GRM7: variants seen among roughly 807,000 people sequenced by gnomAD.
The protein encoded by GRM7 is glutamate metabotropic receptor 7.
GRM7 carries 35 observed loss-of-function variants against 84.5 expected under a neutral mutation model. The ratio of observed to expected loss-of-function variants is 0.41; its 90% confidence interval spans 0.32 to 0.55. The LOEUF (loss-of-function observed/expected upper bound fraction) is 0.55. Among genes scored for constraint, GRM7 ranks in the 20% least tolerant of loss-of-function variants. The probability of loss-of-function intolerance (pLI) is 0.19; values close to 1 mark genes in which losing one functional copy is unlikely to be tolerated. For missense variants in GRM7, 1,003 were observed against 1,194.6 expected (o/e 0.84, Z 2.36); for synonymous variants, 487 against 455.1 (o/e 1.07, Z -0.89).
Position 7,139,265 on chromosome 3 carries a change from C to T in GRM7, c.520-7187C>T, listed in dbSNP as rs548966477. ...TTTCTTTTTACGGTACTGAACACCT[C>T]AAAGATGCTGGAAATAGTTGGTTCT... On this transcript the variant is annotated intron_variant, in intron 1 of 9. Coordinates refer to ENST00000357716, the MANE Select transcript of GRM7 (RefSeq NM_000844.4). 3.3e-5 allele frequency among the ~76,000 whole-genome samples: 5 copies of T among 151,570 alleles called. No individual in the cohort carries two copies. In the South Asian group the frequency reaches 1.0e-3, roughly 32 times the overall value.
chr3:7,622,022 C>G (rs1400308901), intron 8 of GRM7, among the ~76,000 whole-genome samples: 3 of 152,176 alleles, frequency 2.0e-5, no homozygotes, highest in Admixed American at 2.0e-4. Context: ...TCCATTATCT[C>G]TCAGCATTCG....
rs1697896996 is a variant in GRM7, at chr3:7,071,952, T to G, written c.520-74500T>G. Among the ~76,000 whole-genome samples, 3 of 152,184 alleles carry G rather than the reference T, an allele frequency of 2.0e-5. 1 individual carries two copies. Among genetic ancestry groups the G allele is most frequent in the African/African-American group, 2.4e-5 (1 of 41,560 alleles). On this transcript the variant is annotated intron_variant, in intron 1 of 9. Transcript: ENST00000357716. Reference sequence around the variant, plus strand: ...TCAGAGAACGGTCTACCAAAAAAATTTAAAAAAAAGAAATGCTTGAGTAAA... The same window carrying G: ...TCAGAGAACGGTCTACCAAAAAAATGTAAAAAAAAGAAATGCTTGAGTAAA...
At chr3:7,281,290 G>A (rs1199201776) in intron 2 of GRM7, among the ~76,000 whole-genome samples, 3 of 151,994 alleles carry the variant, frequency 2.0e-5, no homozygotes, top group Non-Finnish European at 4.4e-5. Flanking sequence ...TTTTTTTGCA[G>A]TGCTAAAACA....
chr3:7,289,046 C>A (rs528459055), intron 2 of GRM7, among the ~76,000 whole-genome samples: 20 of 152,102 alleles, frequency 1.3e-4, no homozygotes, highest in Non-Finnish European at 2.8e-4. Context: ...CTTGTAAATA[C>A]CTGCCATGTT....
chr3:7,359,838 G>A (rs1322484752), intron 4 of GRM7, among the ~76,000 whole-genome samples: 5 of 148,346 alleles, frequency 3.4e-5, no homozygotes, highest in Admixed American at 6.7e-5. Context: ...TGCTTACACC[G>A]ACAATTCTTG....
intron 4 of GRM7, among the ~76,000 whole-genome samples, chr3:7,387,287 G>T (rs1354135751): frequency 3.9e-5 from 6 of 152,092 alleles, no homozygotes; most frequent in Non-Finnish European, 8.8e-5. Flanking sequence ...AAGCTCTTTA[G>T]TTTAATTAAG....
chr3:6,931,163 T>A (rs992232174), intron 1 of GRM7, among the ~76,000 whole-genome samples: 2 of 152,164 alleles, frequency 1.3e-5, no homozygotes, highest in Non-Finnish European at 2.9e-5. Context: ...ACCACTTAAA[T>A]CAGGAAGTGC....
chr3:7,500,125 G>A (rs1053211446), intron 7 of GRM7, among the ~76,000 whole-genome samples: 3 of 152,068 alleles, frequency 2.0e-5, no homozygotes, highest in African/African-American at 7.2e-5. Context: ...TATTACTTAT[G>A]AGCTATTTTT....
At chr3:7,694,184 C>G (rs1700929086) in intron 9 of GRM7, among the ~76,000 whole-genome samples, 1 of 152,094 alleles carries the variant, frequency 6.6e-6, no homozygotes, top group African/African-American at 2.4e-5. Flanking sequence ...AAAAGATCAT[C>G]TCTCTGTGTC....
At chr3:7,019,114 G>A (rs1292911509) in intron 1 of GRM7, among the ~76,000 whole-genome samples, 1 of 152,126 alleles carries the variant, frequency 6.6e-6, no homozygotes, top group Non-Finnish European at 1.5e-5. Context: ...AAATGAATAA[G>A]TTTTGTGAAT....
chr3:7,138,134 C>T (rs1693829295), intron 1 of GRM7, among the ~76,000 whole-genome samples: 1 of 151,766 alleles, frequency 6.6e-6, no homozygotes, highest in Non-Finnish European at 1.5e-5. Context: ...GTTCTTAAAA[C>T]ACTGGCTATT....
chr3:7,505,837 G>C (rs1336575965), intron 7 of GRM7, among the ~76,000 whole-genome samples: 2 of 152,110 alleles, frequency 1.3e-5, no homozygotes, highest in African/African-American at 4.8e-5. Flanking sequence ...CAGCCTCAAA[G>C]ATCTCTAAAA....
intron 6 of GRM7, among the ~76,000 whole-genome samples, chr3:7,458,020 C>A (rs1698090358): frequency 6.6e-6 from 1 of 152,130 alleles, no homozygotes; most frequent in South Asian, 2.1e-4. Flanking sequence ...TATCAGGAAC[C>A]CGAACAAATG....
chr3:7,609,837 C>A (rs1014147351), intron 8 of GRM7, among the ~76,000 whole-genome samples: 4 of 152,104 alleles, frequency 2.6e-5, no homozygotes, highest in Non-Finnish European at 5.9e-5. Flanking sequence ...CTTTGACAAC[C>A]ACTCCTTTAA....
At chr3:7,210,503 G>T (rs10510354) in intron 2 of GRM7, among the ~76,000 whole-genome samples, 2 of 151,978 alleles carry the variant, frequency 1.3e-5, no homozygotes, top group Non-Finnish European at 2.9e-5. Flanking sequence ...TGTTACAGAA[G>T]GTATGTGTTT....
intron 2 of GRM7, among the ~76,000 whole-genome samples, chr3:7,204,958 G>A (rs1157312556): frequency 6.6e-6 from 1 of 152,194 alleles, no homozygotes; most frequent in Non-Finnish European, 1.5e-5. Context: ...CTCCAGATAT[G>A]TAAATAATTA....
At chr3:7,462,272 C>A (rs984616045) in intron 7 of GRM7, among the ~76,000 whole-genome samples, 1 of 152,138 alleles carries the variant, frequency 6.6e-6, no homozygotes, top group African/African-American at 2.4e-5. Context: ...AATGTCCCAG[C>A]TCCAAAACAA....
chr3:7,213,499 C>T (rs936059186), intron 2 of GRM7, among the ~76,000 whole-genome samples: 2 of 152,136 alleles, frequency 1.3e-5, no homozygotes, highest in African/African-American at 4.8e-5. Context: ...TACGCAAATA[C>T]ATCATAGGCA....
chr3:6,869,453 A>G (rs1391432454), intron 1 of GRM7, among the ~76,000 whole-genome samples: 3 of 152,216 alleles, frequency 2.0e-5, no homozygotes, highest in Admixed American at 6.6e-5. Flanking sequence ...TGCTTAATTA[A>G]TCATTATTGC....
Sources: gnomAD v4.1 joint callset for allele counts (sites outside exome capture counted in the v4.1 genomes callset) on GRCh38, gnomAD v4.1.1 for gene constraint, MANE v1.5 for transcripts, NCBI Gene and HGNC (gene_info 2026-07-23, HGNC 2026-07-21) for gene names.